The following ST6GALNAC3 variants were observed in gnomAD, a reference collection of about 807,000 sequenced individuals.
The protein encoded by ST6GALNAC3 is alpha-N-acetylgalactosaminide alpha-2,6-sialyltransferase 3.
ST6GALNAC3 carries 25 observed loss-of-function variants against 32.7 expected under a neutral mutation model. That is an observed-to-expected ratio of 0.76 (90% CI 0.56 to 1.07). ST6GALNAC3 has a LOEUF of 1.07. Ranked by LOEUF, ST6GALNAC3 falls within the 50% of genes least tolerant of loss-of-function variation. The probability of loss-of-function intolerance (pLI) is 0.00; values close to 1 mark genes in which losing one functional copy is unlikely to be tolerated. For synonymous variants in ST6GALNAC3, 129 were observed against 133.1 expected, an observed-to-expected ratio of 0.97 and a Z score of 0.21; for missense variants, 355 against 382.4, an observed-to-expected ratio of 0.93 and a Z score of 0.60.
Position 76,412,530 on chromosome 1 carries a change from A to T in ST6GALNAC3, c.623+113A>T. ...CAGTTATTTATTTACGCTGATTGTT[A>T]TATGTTTTGACTATTATGATTACTT... is the stretch of plus-strand genomic sequence containing the variant. On this transcript the variant is annotated intron_variant, in intron 3 of 4. Coordinates refer to ENST00000328299, the MANE Select transcript of ST6GALNAC3 (RefSeq NM_152996.4). The T allele has an allele frequency of 5.2e-6, 6 of 1,161,460 alleles. No homozygotes were observed. The South Asian group carries it at 6.7e-5, about 13-fold the overall frequency. 71.9% of individuals were successfully genotyped at this position (1,161,460 alleles called of 1,614,324 possible).
At chr1:76,169,893 G>T (rs2100413694) in intron 1 of ST6GALNAC3, among the ~76,000 whole-genome samples, 1 of 152,244 alleles carries the variant, frequency 6.6e-6, no homozygotes, top group South Asian at 2.1e-4. Flanking sequence ...GAGAGGTGAT[G>T]CAGTCATTTG....
intron 2 of ST6GALNAC3, among the ~76,000 whole-genome samples, chr1:76,358,137 G>T (rs1226596578): frequency 6.6e-6 from 1 of 151,658 alleles, no homozygotes; most frequent in Admixed American, 6.6e-5. Flanking sequence ...TGGCTTTTTT[G>T]CCCCTATCGA....
intron 1 of ST6GALNAC3, among the ~76,000 whole-genome samples, chr1:76,303,957 C>G (rs184883029): frequency 2.0e-5 from 3 of 151,786 alleles, no homozygotes; most frequent in Non-Finnish European, 4.4e-5. Context: ...CCCTAACCCT[C>G]TCCCTCACTT....
intron 3 of ST6GALNAC3, among the ~76,000 whole-genome samples, chr1:76,610,764 C>T (rs1647872875): frequency 6.6e-6 from 1 of 152,044 alleles, no homozygotes; most frequent in Non-Finnish European, 1.5e-5. Flanking sequence ...CAGAGAGATG[C>T]AATATTATTA....
chr1:76,630,115 C>T lies in ST6GALNAC3; in HGVS notation c.*1309C>T. 4 of 985,192 alleles carry T rather than the reference C, an allele frequency of 4.1e-6. No homozygotes were observed. The highest frequency in any genetic ancestry group is 4.8e-6 in the Non-Finnish European group (4 of 829,816). 61.0% of individuals were successfully genotyped at this position (985,192 alleles called of 1,614,324 possible). A position where few individuals can be genotyped will look rare whatever the true frequency, so the allele number is the denominator to read the frequency against. ...TATTCTGCTCTCTTTAGCAGATGAT[C>T]TGTAATTTGGTCATTGTTCTGTTAT... On this transcript the variant is annotated 3_prime_UTR_variant, in exon 5 of 5. Transcript: ENST00000328299.
intron 1 of ST6GALNAC3, among the ~76,000 whole-genome samples, chr1:76,174,989 C>T (rs187426413): frequency 3.4e-4 from 52 of 152,052 alleles, no homozygotes; most frequent in African/African-American, 8.9e-4. Flanking sequence ...TTCTATAATA[C>T]GCTACTTAAT....
At chr1:76,402,484 T>G (rs146663843) in intron 2 of ST6GALNAC3, among the ~76,000 whole-genome samples, 115 of 152,254 alleles carry the variant, frequency 7.6e-4, no homozygotes, top group Middle Eastern at 3.4e-3. Context: ...CTTTCAGCTT[T>G]CAGTACACTA....
At chr1:76,162,288 A>C (rs1223459589) in intron 1 of ST6GALNAC3, among the ~76,000 whole-genome samples, 1 of 152,208 alleles carries the variant, frequency 6.6e-6, no homozygotes, top group African/African-American at 2.4e-5. Context: ...GTACTCAAGA[A>C]ATGTTTAATT....
intron 1 of ST6GALNAC3, among the ~76,000 whole-genome samples, chr1:76,112,095 G>A (rs1406229187): frequency 6.8e-6 from 1 of 147,860 alleles, no homozygotes; most frequent in Non-Finnish European, 1.5e-5. Flanking sequence ...CTCCCGGACG[G>A]GGCGGCTGGC....
chr1:76,160,880 T>C (rs1460467239), intron 1 of ST6GALNAC3, among the ~76,000 whole-genome samples: 2 of 115,798 alleles, frequency 1.7e-5, no homozygotes, highest in Admixed American at 2.1e-4. Flanking sequence ...TTACTTGCTC[T>C]ATACTTCAAA....
At chr1:76,163,623 G>A (rs1342620752) in intron 1 of ST6GALNAC3, among the ~76,000 whole-genome samples, 1 of 152,122 alleles carries the variant, frequency 6.6e-6, no homozygotes, top group Non-Finnish European at 1.5e-5. Context: ...TAAATGGCAT[G>A]TTATAGTTTA....
intron 1 of ST6GALNAC3, among the ~76,000 whole-genome samples, chr1:76,142,378 C>T (rs1650383861): frequency 6.6e-6 from 1 of 152,208 alleles, no homozygotes; most frequent in Admixed American, 6.5e-5. Context: ...CTTCCAGGGA[C>T]CCATTCTTCT....
intron 2 of ST6GALNAC3, among the ~76,000 whole-genome samples, chr1:76,396,258 A>G (rs1652948325): frequency 6.6e-6 from 1 of 152,184 alleles, no homozygotes; most frequent in South Asian, 2.1e-4. Flanking sequence ...TGAGTCCAGG[A>G]GTTCGAGACC....
At chr1:76,295,529 C>G (rs971185766) in intron 1 of ST6GALNAC3, among the ~76,000 whole-genome samples, 2 of 152,044 alleles carry the variant, frequency 1.3e-5, no homozygotes, top group African/African-American at 4.8e-5. Context: ...ATTTATTGAG[C>G]ACTCACTATG....
chr1:76,372,998 T>A (rs934145790), intron 2 of ST6GALNAC3, among the ~76,000 whole-genome samples: 1 of 152,174 alleles, frequency 6.6e-6, no homozygotes, highest in African/African-American at 2.4e-5. Flanking sequence ...GGTCTTGCTA[T>A]GTTGGCCAGG....
rs1659161317 is a variant in ST6GALNAC3 at position 76,473,432 on chromosome 1, T to A, written c.623+61015T>A. On this transcript the variant is annotated intron_variant, in intron 3 of 4. Coordinates refer to ENST00000328299, the MANE Select transcript of ST6GALNAC3 (RefSeq NM_152996.4). ...ATTTGAAAATTTTTGTGGTCTGCAG[T>A]GTACAGCTTGAACTTAAAAAATATT... 3.9e-5 allele frequency among the ~76,000 whole-genome samples: 6 copies of A among 152,162 alleles called. No homozygotes were observed. The South Asian group carries it at 1.2e-3, about 32-fold the overall frequency.
intron 1 of ST6GALNAC3, among the ~76,000 whole-genome samples, chr1:76,089,826 T>C (rs972681227): frequency 6.6e-6 from 1 of 152,182 alleles, no homozygotes; most frequent in African/African-American, 2.4e-5. Context: ...ACAATATTAT[T>C]CTTTCAGCAG....
At chr1:76,321,499 A>T (rs1646965827) in intron 2 of ST6GALNAC3, among the ~76,000 whole-genome samples, 1 of 152,172 alleles carries the variant, frequency 6.6e-6, no homozygotes, top group African/African-American at 2.4e-5. Flanking sequence ...CAACCAAAAA[A>T]GTCCTAGCTG....
At chr1:76,097,038 C>A (rs1219186785) in intron 1 of ST6GALNAC3, among the ~76,000 whole-genome samples, 1 of 151,956 alleles carries the variant, frequency 6.6e-6, no homozygotes, top group African/African-American at 2.4e-5. Context: ...CCTGCCTCAG[C>A]CTCCCAAGTA....
Sources: gnomAD v4.1 joint callset for allele counts (sites outside exome capture counted in the v4.1 genomes callset) on GRCh38, gnomAD v4.1.1 for gene constraint, MANE v1.5 for transcripts, NCBI Gene and HGNC (gene_info 2026-07-23, HGNC 2026-07-21) for gene names.